Variants in PDE10A observed in about 807,000 individuals in gnomAD.
PDE10A encodes the protein cAMP and cAMP-inhibited cGMP 3',5'-cyclic phosphodiesterase 10A.
Under a neutral mutation model 97.7 loss-of-function variants are expected in PDE10A, and 39 were observed. The observed-to-expected ratio is 0.40, with a 90% CI of 0.31 to 0.52. The LOEUF is 0.52. PDE10A is among the 20% of genes least tolerant of loss of function. The probability of loss-of-function intolerance (pLI) is 0.56; values close to 1 mark genes in which losing one functional copy is unlikely to be tolerated. For missense variants in PDE10A, 731 were observed against 1,047.8 expected (o/e 0.70, Z 4.17); for synonymous variants, 371 against 376.8 (o/e 0.98, Z 0.18).
intron 1 of PDE10A, among the ~76,000 whole-genome samples, chr6:165,925,978 C>A (rs1782922113): frequency 6.6e-6 from 1 of 152,316 alleles, no homozygotes. Context: ...TTGGGGGGAA[C>A]TGCAAGAAGG....
At chr6:165,927,678 A>ATATATATATATG (rs1562801740) in intron 1 of PDE10A, among the ~76,000 whole-genome samples, 3 of 118,520 alleles carry the variant, frequency 2.5e-5, no homozygotes, top group Non-Finnish European at 5.1e-5. Context: ...ATATATATAT[A>ATATATATATATG]GTTTTTTGTT....
At chr6:165,950,959 T>C (rs1264059178) in intron 1 of PDE10A, among the ~76,000 whole-genome samples, 1 of 152,246 alleles carries the variant, frequency 6.6e-6, no homozygotes, top group Non-Finnish European at 1.5e-5. Flanking sequence ...CCTGATTTCT[T>C]TGGACATTAT....
intron 1 of PDE10A, among the ~76,000 whole-genome samples, chr6:165,752,619 G>A (rs1158308560): frequency 1.3e-5 from 2 of 152,096 alleles, no homozygotes. Context: ...ATGTCAAACT[G>A]GGAAGAGACA....
chr6:165,972,755 T>G (rs1355478909), intron 1 of PDE10A, among the ~76,000 whole-genome samples: 1 of 152,206 alleles, frequency 6.6e-6, no homozygotes, highest in African/African-American at 2.4e-5. Flanking sequence ...TGTATTATTT[T>G]TCGCCAAGAG....
At chr6:165,653,245 T>G (rs372307030) in intron 1 of PDE10A, among the ~76,000 whole-genome samples, 2 of 152,230 alleles carry the variant, frequency 1.3e-5, no homozygotes, top group African/African-American at 2.4e-5. Flanking sequence ...CTTGGCAACA[T>G]GCTCGGCACT....
At chr6:165,892,523 G>T (rs575991657) in intron 1 of PDE10A, among the ~76,000 whole-genome samples, 1 of 152,306 alleles carries the variant, frequency 6.6e-6, no homozygotes, top group African/African-American at 2.4e-5. Flanking sequence ...ATGGCAGCTG[G>T]CATGCTGGAG....
intron 13 of PDE10A, among the ~76,000 whole-genome samples, chr6:165,410,104 C>T (rs1186854915): frequency 6.6e-6 from 1 of 152,074 alleles, no homozygotes; most frequent in Admixed American, 6.5e-5. Context: ...CATATTCTTA[C>T]TCAAAATGAC....
intron 1 of PDE10A, among the ~76,000 whole-genome samples, chr6:165,772,202 G>C: frequency 6.6e-6 from 1 of 152,206 alleles, no homozygotes; most frequent in East Asian, 1.9e-4. Context: ...AAGAAAGCCT[G>C]ACAAGGAAAC....
intron 2 of PDE10A, among the ~76,000 whole-genome samples, chr6:165,524,347 T>C (rs558434789): frequency 9.2e-5 from 14 of 152,276 alleles, no homozygotes; most frequent in Admixed American, 9.2e-4. Flanking sequence ...CTGCTTAATA[T>C]GATTAGACCC....
At chr6:165,568,573 C>A (rs1185798009) in intron 1 of PDE10A, among the ~76,000 whole-genome samples, 1 of 152,124 alleles carries the variant, frequency 6.6e-6, no homozygotes, top group East Asian at 1.9e-4. Flanking sequence ...CACTTTGTAG[C>A]CATCTTGCTT....
chr6:165,468,749 T>C (rs1391167244), intron 3 of PDE10A, among the ~76,000 whole-genome samples: 3 of 152,246 alleles, frequency 2.0e-5, no homozygotes, highest in Non-Finnish European at 4.4e-5. Flanking sequence ...ATGCCTTTGT[T>C]GCCATCTTTA....
At position 165,709,644 on chromosome 6, in the gene PDE10A, C is replaced by G. The variant is rs1252544267; in HGVS notation, c.-614-166076G>C. ...ACACCCCCATGCTGCCTCTCTCCCC[C>G]GCCACTCTCCACCCCAATGCTGCGG... On this transcript the variant is annotated intron_variant, in intron 1 of 19. Coordinates refer to the PDE10A transcript ENST00000366882. Among the ~76,000 whole-genome samples the G allele has an allele frequency of 1.1e-4, 9 of 79,754 alleles. 1 individual carries two copies. Among genetic ancestry groups the G allele is most frequent in the Non-Finnish European group, 1.6e-4 (6 of 38,120 alleles). The allele number at this position is 79,754 out of a possible 152,430, so 52.3% of individuals were successfully genotyped here.
chr6:165,673,685 T>C (rs1790711420), intron 1 of PDE10A, among the ~76,000 whole-genome samples: 1 of 152,286 alleles, frequency 6.6e-6, no homozygotes, highest in Non-Finnish European at 1.5e-5. Flanking sequence ...TCATGTGTAT[T>C]CAGCTCCTTT....
intron 1 of PDE10A, among the ~76,000 whole-genome samples, chr6:165,769,814 C>G (rs187161680): frequency 1.3e-5 from 2 of 152,172 alleles, no homozygotes; most frequent in Non-Finnish European, 2.9e-5. Context: ...CTAAGCTGCC[C>G]ACTTACCTGG....
intron 1 of PDE10A, among the ~76,000 whole-genome samples, chr6:165,744,235 G>T (rs896227080): frequency 6.6e-6 from 1 of 152,102 alleles, no homozygotes; most frequent in African/African-American, 2.4e-5. Flanking sequence ...ACTTTTTATG[G>T]AGCCAACAGC....
intron 18 of PDE10A, among the ~76,000 whole-genome samples, chr6:165,376,412 T>C (rs973503096): frequency 3.3e-5 from 5 of 152,256 alleles, no homozygotes; most frequent in Non-Finnish European, 7.3e-5. Flanking sequence ...GCTGTGAACA[T>C]GGTTGAAATG....
chr6:165,956,989 G>A (rs1250482324), intron 1 of PDE10A, among the ~76,000 whole-genome samples: 1 of 152,156 alleles, frequency 6.6e-6, no homozygotes, highest in Non-Finnish European at 1.5e-5. Context: ...ACAGGAGGTG[G>A]GCTAGGAACA....
At position 165,403,882 on chromosome 6, in the gene PDE10A, C is replaced by A. The variant is rs60730575; in HGVS notation, c.2077-7423G>T. ...TAACCTAACGACCTTCAGTTTCATC[C>A]ATGCTGCTGCAAGTTACGCGATTTC... is the stretch of plus-strand genomic sequence containing the variant. On this transcript the variant is annotated intron_variant, in intron 13 of 21. Transcript: ENST00000539869. Among the ~76,000 whole-genome samples the A allele has an allele frequency of 2.0e-3, 309 of 152,244 alleles. 2 individuals carry two copies. Among genetic ancestry groups the A allele is most frequent in the African/African-American group, 7.1e-3 (293 of 41,542 alleles).
chr6:165,589,403 A>T (rs1323680760), intron 1 of PDE10A, among the ~76,000 whole-genome samples: 3 of 152,222 alleles, frequency 2.0e-5, no homozygotes, highest in Non-Finnish European at 4.4e-5. Context: ...TATATTTAAA[A>T]TGCATTGGTT....
Sources: gnomAD v4.1 joint callset for allele counts (sites outside exome capture counted in the v4.1 genomes callset) on GRCh38, gnomAD v4.1.1 for gene constraint, MANE v1.5 for transcripts, NCBI Gene and HGNC (gene_info 2026-07-23, HGNC 2026-07-21) for gene names.